Variants in RAP1GDS1 observed in about 807,000 individuals in gnomAD.
The protein encoded by RAP1GDS1 is RAP1, GTP-GDP dissociation stimulator 1.
In RAP1GDS1, 35 loss-of-function variants were observed where a neutral mutation model predicts 71.1. The ratio of observed to expected loss-of-function variants is 0.49; its 90% confidence interval spans 0.38 to 0.65. The LOEUF is 0.65. RAP1GDS1 is among the 30% of genes least tolerant of loss of function. The pLI, the probability that RAP1GDS1 is intolerant of heterozygous loss-of-function variation, is 0.00. For synonymous variants in RAP1GDS1, 229 were observed against 243.1 expected, an observed-to-expected ratio of 0.94 and a Z score of 0.54; for missense variants, 663 against 706.1, an observed-to-expected ratio of 0.94 and a Z score of 0.69.
intron 2 of RAP1GDS1, among the ~76,000 whole-genome samples, chr4:98,317,411 A>G (rs943819947): frequency 6.6e-6 from 1 of 152,142 alleles, no homozygotes; most frequent in South Asian, 2.1e-4. Context: ...AAAGAACATT[A>G]TATGTTTTTA....
At chr4:98,290,063 G>A (rs552571649) in intron 1 of RAP1GDS1, among the ~76,000 whole-genome samples, 20 of 152,030 alleles carry the variant, frequency 1.3e-4, no homozygotes, top group Non-Finnish European at 2.4e-4. Flanking sequence ...CAGTTCTTGT[G>A]TACTTGTCTC....
chr4:98,321,270 G>C (rs1165206262), intron 2 of RAP1GDS1, among the ~76,000 whole-genome samples: 7 of 148,582 alleles, frequency 4.7e-5, no homozygotes, highest in Non-Finnish European at 1.0e-4. Flanking sequence ...ATGGGACTAT[G>C]TGAAAAGACC....
At chr4:98,263,836 A>G (rs1722358240) in intron 1 of RAP1GDS1, among the ~76,000 whole-genome samples, 1 of 152,216 alleles carries the variant, frequency 6.6e-6, no homozygotes, top group Non-Finnish European at 1.5e-5. Flanking sequence ...GAAAGGTATA[A>G]TTGTACCATG....
intron 2 of RAP1GDS1, among the ~76,000 whole-genome samples, chr4:98,299,206 C>T (rs902276028): frequency 6.6e-6 from 1 of 152,160 alleles, no homozygotes; most frequent in African/African-American, 2.4e-5. Context: ...TGGTTTCTAG[C>T]TTCTTCTGTA....
chr4:98,358,282 G>A (rs769273720), intron 4 of RAP1GDS1, among the ~76,000 whole-genome samples: 2 of 151,906 alleles, frequency 1.3e-5, no homozygotes, highest in African/African-American at 2.4e-5. Flanking sequence ...ACCTAGTGAC[G>A]GTTCTACAAA....
At chr4:98,300,266 T>A (rs1009707228) in intron 2 of RAP1GDS1, among the ~76,000 whole-genome samples, 1 of 152,216 alleles carries the variant, frequency 6.6e-6, no homozygotes, top group Non-Finnish European at 1.5e-5. Context: ...AGCAAAAAGT[T>A]ATGACTTACT....
chr4:98,371,511 C>G (rs151165654), intron 4 of RAP1GDS1, among the ~76,000 whole-genome samples: 162 of 152,098 alleles, frequency 1.1e-3, no homozygotes, highest in African/African-American at 3.8e-3. Flanking sequence ...GAGTCTTGCT[C>G]TGTTGCCCAG....
intron 2 of RAP1GDS1, among the ~76,000 whole-genome samples, chr4:98,316,459 T>C (rs1730955847): frequency 6.6e-6 from 1 of 152,060 alleles, no homozygotes. Flanking sequence ...GTGGAAATTA[T>C]TAAAGTCAGG....
chr4:98,293,113 C>T (rs910594125), intron 1 of RAP1GDS1, among the ~76,000 whole-genome samples: 4 of 151,924 alleles, frequency 2.6e-5, no homozygotes, highest in Non-Finnish European at 4.4e-5. Flanking sequence ...AGATGCTTTC[C>T]TGAACAAGCT....
At chr4:98,320,449 G>A (rs1352914852) in intron 2 of RAP1GDS1, among the ~76,000 whole-genome samples, 1 of 152,190 alleles carries the variant, frequency 6.6e-6, no homozygotes, top group African/African-American at 2.4e-5. Context: ...GAGCCAAGAT[G>A]GCCGAATAGG....
chr4:98,370,133 C>T (rs1740145443), intron 4 of RAP1GDS1, among the ~76,000 whole-genome samples: 1 of 152,276 alleles, frequency 6.6e-6, no homozygotes, highest in African/African-American at 2.4e-5. Flanking sequence ...TGTGAATTAT[C>T]TGTCTTTGTA....
At chr4:98,406,970 A>G (rs911101830) in intron 7 of RAP1GDS1, among the ~76,000 whole-genome samples, 2 of 152,184 alleles carry the variant, frequency 1.3e-5, no homozygotes, top group Non-Finnish European at 2.9e-5. Flanking sequence ...CTTACGTGTT[A>G]CAAGTAAAGA....
intron 2 of RAP1GDS1, among the ~76,000 whole-genome samples, chr4:98,320,759 A>C (rs1371968480): frequency 6.6e-6 from 1 of 150,556 alleles, no homozygotes; most frequent in Non-Finnish European, 1.5e-5. Context: ...TCCACACCAA[A>C]AACCCATCTG....
chr4:98,267,262 C>CATTGTTTG (rs1722820294), intron 1 of RAP1GDS1, among the ~76,000 whole-genome samples: 1 of 151,996 alleles, frequency 6.6e-6, no homozygotes, highest in Non-Finnish European at 1.5e-5. Context: ...TATTTCCCTT[C>CATTGTTTG]ATTGTTTGGA....
chr4:98,288,279 G>A (rs1726343502), intron 1 of RAP1GDS1, among the ~76,000 whole-genome samples: 2 of 152,086 alleles, frequency 1.3e-5, no homozygotes, highest in Non-Finnish European at 1.5e-5. Flanking sequence ...AGAACATGCG[G>A]TGTTTGGTTT....
intron 6 of RAP1GDS1, among the ~76,000 whole-genome samples, chr4:98,399,543 C>T (rs1265571441): frequency 6.6e-6 from 1 of 152,150 alleles, no homozygotes; most frequent in East Asian, 1.9e-4. Flanking sequence ...GTCCACCTGC[C>T]TTAGCTTCCC....
chr4:98,302,650 G>A (rs1387298660), intron 2 of RAP1GDS1, among the ~76,000 whole-genome samples: 1 of 152,168 alleles, frequency 6.6e-6, no homozygotes, highest in Non-Finnish European at 1.5e-5. Context: ...ACCTGAAACA[G>A]TCAACTGAAA....
At chr4:98,297,432 T>C (rs1485299615) in intron 2 of RAP1GDS1, among the ~76,000 whole-genome samples, 1 of 152,216 alleles carries the variant, frequency 6.6e-6, no homozygotes, top group African/African-American at 2.4e-5. Flanking sequence ...AGCAAGTCTT[T>C]CAGTGCCATT....
chr4:98,358,952 C>T (rs1020767510), intron 4 of RAP1GDS1, among the ~76,000 whole-genome samples: 2 of 151,650 alleles, frequency 1.3e-5, no homozygotes, highest in Non-Finnish European at 2.9e-5. Flanking sequence ...AGTTTTAAAA[C>T]CTCACCTATC....
Sources: gnomAD v4.1 joint callset for allele counts (sites outside exome capture counted in the v4.1 genomes callset) on GRCh38, gnomAD v4.1.1 for gene constraint, MANE v1.5 for transcripts, NCBI Gene and HGNC (gene_info 2026-07-23, HGNC 2026-07-21) for gene names.